Variants in NSD1 observed in about 807,000 individuals in gnomAD.
NSD1 encodes histone-lysine N-methyltransferase, H3 lysine-36 specific.
NSD1 carries 26 observed loss-of-function variants against 242.7 expected under a neutral mutation model. That is an observed-to-expected ratio of 0.11 (90% CI 0.08 to 0.15). NSD1 has a LOEUF of 0.15. Ranked by LOEUF, NSD1 falls within the 10% of genes least tolerant of loss-of-function variation. The probability of loss-of-function intolerance (pLI) is 1.00; values close to 1 mark genes in which losing one functional copy is unlikely to be tolerated. For missense variants in NSD1, 2,495 were observed against 3,272.8 expected (o/e 0.76, Z 5.80); for synonymous variants, 1,106 against 1,178.1 (o/e 0.94, Z 1.25).
intron 4 of NSD1, among the ~76,000 whole-genome samples, chr5:177,207,225 G>T (rs919300290): frequency 6.6e-6 from 1 of 151,798 alleles, no homozygotes; most frequent in Non-Finnish European, 1.5e-5. Flanking sequence ...TAGGATTACA[G>T]GCGTGAGCCA....
intron 2 of NSD1, among the ~76,000 whole-genome samples, chr5:177,178,149 G>A (rs1760360882): frequency 6.6e-6 from 1 of 152,112 alleles, no homozygotes; most frequent in Non-Finnish European, 1.5e-5. Context: ...GCCCACCTTG[G>A]CCTGCTAAAG....
chr5:177,246,981 G>A (rs1439074277), intron 10 of NSD1, among the ~76,000 whole-genome samples, 185 bp downstream of exon 10: 1 of 152,220 alleles, frequency 6.6e-6, no homozygotes, highest in Non-Finnish European at 1.5e-5. Flanking sequence ...ATGTATTGCA[G>A]CTGTCAATAT....
At chr5:177,162,744 G>A (rs551987614) in intron 2 of NSD1, among the ~76,000 whole-genome samples, 5 of 152,180 alleles carry the variant, frequency 3.3e-5, no homozygotes, top group African/African-American at 9.6e-5. Flanking sequence ...GCAGTGGTGT[G>A]ATCTAAGCTC....
chr5:177,167,372 C>G (rs1759291949), intron 2 of NSD1, among the ~76,000 whole-genome samples: 1 of 151,890 alleles, frequency 6.6e-6, no homozygotes, highest in Non-Finnish European at 1.5e-5. Flanking sequence ...CCCATTTCTA[C>G]TAAAAATACA....
intron 5 of NSD1, among the ~76,000 whole-genome samples, chr5:177,213,713 C>T (rs1026281799): frequency 6.6e-6 from 1 of 152,090 alleles, no homozygotes; most frequent in African/African-American, 2.4e-5. Flanking sequence ...CCTTGTGATC[C>T]GCCCGCCTCC....
intron 3 of NSD1, among the ~76,000 whole-genome samples, chr5:177,194,579 CTTTTT>C (rs1200627969): frequency 2.3e-5 from 2 of 88,572 alleles, no homozygotes; most frequent in Admixed American, 1.2e-4. Flanking sequence ...CACCATGCCT[CTTTTT>C]TTTTTTTTTT....
Position 177,134,079 on chromosome 5 carries a change from G to T in NSD1, c.-18+127G>T, listed in dbSNP as rs1356477012. The T allele has an allele frequency of 6.6e-6, 1 of 151,130 alleles. No individual in the cohort carries two copies. The highest frequency in any genetic ancestry group is 2.4e-5 in the African/African-American group (1 of 41,096). 9.4% of individuals were successfully genotyped at this position (151,130 alleles called of 1,614,324 possible). A position where few individuals can be genotyped will look rare whatever the true frequency, so the allele number is the denominator to read the frequency against. Reference sequence around the variant, plus strand: ...CGGGGGAGGGCCAGGCGCGATGCGGGGTTGGTGGCCGGCGGCGCTGCAGCC... The same window carrying T: ...CGGGGGAGGGCCAGGCGCGATGCGGTGTTGGTGGCCGGCGGCGCTGCAGCC... On this transcript the variant is annotated intron_variant, in intron 1 of 22. Transcript: ENST00000439151. This position sits in a 1 kb window ranked among gnomAD's most constrained non-coding sequence, Gnocchi z 4.2.
chr5:177,281,404 A>T (rs1245593175), intron 18 of NSD1, among the ~76,000 whole-genome samples: 3 of 151,188 alleles, frequency 2.0e-5, no homozygotes, highest in Non-Finnish European at 4.4e-5. Context: ...GGTTTCCAGG[A>T]AATGTAGTGT....
At position 177,257,096 on chromosome 5, in the gene NSD1, C is replaced by T. The variant is rs750453670; in HGVS notation, c.4911C>T (p.Leu1637=). ...VMQNKGFRCS[L]HICITCHAAN... ...AGAACAAGGGCTTCCGGTGCTCCCT[C>T]CACATCTGTATAACCTGTCATGCTG... Residue 1637 remains leucine, a synonymous_variant, in exon 13 of 23, where the codon CTC becomes CTT. Transcript: ENST00000439151. 1.2e-6 allele frequency: 2 copies of T among 1,614,140 alleles called. No individual in the cohort carries two copies. The highest frequency in any genetic ancestry group is 8.5e-7 in the Non-Finnish European group (1 of 1,180,028).
At chr5:177,293,295 A>G (rs1306744487) in intron 22 of NSD1, among the ~76,000 whole-genome samples, 1 of 152,216 alleles carries the variant, frequency 6.6e-6, no homozygotes, top group East Asian at 1.9e-4. Context: ...TGTGAACAAC[A>G]TATAACGTGC....
At chr5:177,182,033 T>A (rs1329599898) in intron 2 of NSD1, among the ~76,000 whole-genome samples, 1 of 151,750 alleles carries the variant, frequency 6.6e-6, no homozygotes, top group Non-Finnish European at 1.5e-5. Flanking sequence ...GCGTCTGTAG[T>A]CCTAGCTACT....
At chr5:177,230,221 A>G (rs373271367) in intron 5 of NSD1, among the ~76,000 whole-genome samples, 10 of 152,126 alleles carry the variant, frequency 6.6e-5, no homozygotes, top group African/African-American at 2.2e-4. Flanking sequence ...TCCTGGGTTC[A>G]AGTGATTCTC....
chr5:177,270,667 A>G (rs947907053), intron 16 of NSD1, among the ~76,000 whole-genome samples: 3 of 152,244 alleles, frequency 2.0e-5, no homozygotes, highest in African/African-American at 7.2e-5. Flanking sequence ...CATGAGGAGC[A>G]TCTGTGTAAG....
At chr5:177,229,651 G>A (rs942994187) in intron 5 of NSD1, 4 of 265,422 alleles carry the variant, frequency 1.5e-5, no homozygotes, top group Non-Finnish European at 3.0e-5. Context: ...GAAAAGTGCT[G>A]TAACTGGGAG....
At chr5:177,275,054 A>G (rs2127246013) in intron 17 of NSD1, among the ~76,000 whole-genome samples, 1 of 151,086 alleles carries the variant, frequency 6.6e-6, no homozygotes, top group East Asian at 1.9e-4. Context: ...AAAGACTGAT[A>G]ATCTGAGATG....
chr5:177,233,962 G>T (rs1765254540), intron 5 of NSD1, among the ~76,000 whole-genome samples: 1 of 152,148 alleles, frequency 6.6e-6, no homozygotes, highest in African/African-American at 2.4e-5. Context: ...GTGTGAAAGG[G>T]TTTCAAAAGG....
chr5:177,172,191 A>T (rs1943236381), intron 2 of NSD1, among the ~76,000 whole-genome samples: 1 of 152,182 alleles, frequency 6.6e-6, no homozygotes, highest in Non-Finnish European at 1.5e-5. Context: ...AACACTTTTG[A>T]CTGTGGCAGC....
intron 2 of NSD1, among the ~76,000 whole-genome samples, chr5:177,170,734 G>A (rs905615804): frequency 6.6e-6 from 1 of 152,070 alleles, no homozygotes. Context: ...TGCATTACAT[G>A]TATTCACAGT....
intron 2 of NSD1, among the ~76,000 whole-genome samples, chr5:177,185,774 T>A (rs1761080956): frequency 1.7e-5 from 1 of 60,056 alleles, no homozygotes; most frequent in Non-Finnish European, 2.6e-5. Flanking sequence ...TATATTTATA[T>A]ATTATATATG....
Sources: allele counts gnomAD v4.1 joint callset (sites outside exome capture counted in the v4.1 genomes callset), GRCh38; gene constraint gnomAD v4.1.1; non-coding constraint Gnocchi (gnomAD v3.1); transcripts MANE v1.5; gene names NCBI Gene and HGNC (gene_info 2026-07-23, HGNC 2026-07-21).